SMIM20: variants seen among roughly 807,000 people sequenced by gnomAD.
The protein encoded by SMIM20 is small integral membrane protein 20.
In SMIM20, 3 loss-of-function variants were observed where a neutral mutation model predicts 8.7. That is an observed-to-expected ratio of 0.34 (90% CI 0.16 to 0.89). The LOEUF is 0.89. Among genes scored for constraint, SMIM20 ranks in the 40% least tolerant of loss-of-function variants. The pLI is 0.49. For missense variants in SMIM20, 85 were observed against 84.8 expected (o/e 1.00, Z -0.01); for synonymous variants, 44 against 33.6 (o/e 1.31, Z -1.07).
intron 1 of SMIM20, among the ~76,000 whole-genome samples, chr4:25,927,505 G>T (rs1474937368): frequency 1.3e-5 from 2 of 152,196 alleles, no homozygotes; most frequent in Non-Finnish European, 2.9e-5. Context: ...ACAAAGGTCC[G>T]ATTATGACAT....
At chr4:25,915,399 T>G (rs116060397) in intron 1 of SMIM20, among the ~76,000 whole-genome samples, 1,658 of 152,322 alleles carry the variant, frequency 0.011, 27 homozygotes, top group African/African-American at 0.035. Context: ...GGGCCAACCC[T>G]GTCCCTTGGG....
chr4:25,925,282 G>A (rs1475589363), intron 1 of SMIM20, among the ~76,000 whole-genome samples: 4 of 151,938 alleles, frequency 2.6e-5, no homozygotes, highest in Middle Eastern at 3.2e-3. Context: ...TTGCGCCCAG[G>A]CTCGAGTGCA....
At chr4:25,918,569 G>A (rs898385793) in intron 1 of SMIM20, among the ~76,000 whole-genome samples, 1 of 151,852 alleles carries the variant, frequency 6.6e-6, no homozygotes, top group African/African-American at 2.4e-5. Context: ...GGAGTGCAAT[G>A]GTGTGATCTT....
intron 1 of SMIM20, among the ~76,000 whole-genome samples, chr4:25,917,290 C>T (rs1719106679): frequency 6.6e-6 from 1 of 151,894 alleles, no homozygotes; most frequent in South Asian, 2.1e-4. Flanking sequence ...CCTGTTTCCT[C>T]ATCTGTAGCA....
chr4:25,929,101 G>T, intron 2 of SMIM20, 53 bp from the exon 3 acceptor site: 2 of 1,545,600 alleles, frequency 1.3e-6, no homozygotes, highest in Non-Finnish European at 1.8e-6. Flanking sequence ...GTGGAGGAAA[G>T]TGGAAGGACA....
rs748353732 is a variant in SMIM20 at position 25,928,334 on chromosome 4, G to C, written c.131G>C (p.Arg44Pro). Residue 44 changes from arginine (R) to proline (P), a missense_variant, in exon 2 of 3, where the codon CGG becomes CCG. Transcript: ENST00000506197. ...EEYKKEQAIN[R>P]AGIVQEDVQP... is the part of the protein sequence containing the mutation. The stretch of plus-strand genomic sequence containing the variant: ...TCAGAGAAGGAACAAGCTATAAATC[G>C]GGCTGGAATTGTTCAAGAGGATGTG... 4.5e-6 allele frequency: 7 copies of C among 1,548,952 alleles called. No individual in the cohort carries two copies. The Admixed American group carries it at 1.4e-4, about 31-fold the overall frequency.
intron 1 of SMIM20, among the ~76,000 whole-genome samples, chr4:25,914,700 C>A (rs903990798): frequency 3.3e-5 from 5 of 152,220 alleles, no homozygotes; most frequent in Non-Finnish European, 5.9e-5. Flanking sequence ...GCAGTCCTCA[C>A]ATAAGTCGAC....
intron 1 of SMIM20, among the ~76,000 whole-genome samples, chr4:25,927,371 C>G (rs895719132): frequency 6.6e-6 from 1 of 152,198 alleles, no homozygotes; most frequent in African/African-American, 2.4e-5. Flanking sequence ...TGGCCAAACC[C>G]TGTTTCTTGT....
rs1719030636 is a variant in SMIM20 at position 25,914,235 on chromosome 4, T to TC, written c.-78dup. 6.6e-7 allele frequency: 1 copy of TC among 1,505,966 alleles called. No individual in the cohort carries two copies. Among genetic ancestry groups the TC allele is most frequent in the African/African-American group, 1.4e-5 (1 of 71,478 alleles). 93.3% of individuals were successfully genotyped at this position (1,505,966 alleles called of 1,614,324 possible). A position where few individuals can be genotyped will look rare whatever the true frequency, so the allele number is the denominator to read the frequency against. ...GCCTCTCCACCTCTTCCGAGCGGGG[T>TC]CACGGCCCGGCCGTCGGTAACCTGG... On this transcript the variant is annotated 5_prime_UTR_variant, in exon 1 of 3. Coordinates refer to ENST00000506197, the MANE Select transcript of SMIM20 (RefSeq NM_001145432.3).
intron 1 of SMIM20, 96 bp downstream of exon 1, chr4:25,914,518 C>G (rs981460989): frequency 1.1e-5 from 14 of 1,255,784 alleles, no homozygotes; most frequent in Middle Eastern, 2.1e-4. Context: ...GAACTTGGCT[C>G]GAGGGTTAGG....
chr4:25,919,448 C>T (rs938798139), intron 1 of SMIM20, among the ~76,000 whole-genome samples: 1 of 151,930 alleles, frequency 6.6e-6, no homozygotes, highest in Non-Finnish European at 1.5e-5. Flanking sequence ...AAGCAGTTCT[C>T]CTGCCTCAGC....
rs1402719142 is a variant in SMIM20, at chr4:25,925,293, G to A, written c.110-3020G>A. On this transcript the variant is annotated intron_variant, in intron 1 of 2. Coordinates refer to ENST00000506197, the MANE Select transcript of SMIM20 (RefSeq NM_001145432.3). ...GCTCTTGCGCCCAGGCTCGAGTGCA[G>A]TGGCATGATCTTGGCTGACTACAAC... Among the ~76,000 whole-genome samples the A allele has an allele frequency of 2.0e-5, 3 of 152,258 alleles. No homozygotes were observed. The East Asian group carries it at 5.8e-4, about 29-fold the overall frequency.
chr4:25,920,283 T>C (rs1417905791), intron 1 of SMIM20, among the ~76,000 whole-genome samples: 9 of 152,362 alleles, frequency 5.9e-5, no homozygotes, highest in Middle Eastern at 3.4e-3. Flanking sequence ...AAGATTATCA[T>C]GGTGCTGAAA....
intron 1 of SMIM20, among the ~76,000 whole-genome samples, chr4:25,918,937 G>A (rs1312510439): frequency 5.2e-5 from 6 of 115,510 alleles, no homozygotes; most frequent in East Asian, 2.8e-4. Flanking sequence ...TCGCTCTGTC[G>A]CCCAGGCCGG....
At chr4:25,920,672 A>G (rs1719180401) in intron 1 of SMIM20, among the ~76,000 whole-genome samples, 1 of 152,218 alleles carries the variant, frequency 6.6e-6, no homozygotes, top group African/African-American at 2.4e-5. Context: ...AGGCCTTCAC[A>G]TTCACTCACC....
intron 2 of SMIM20, 36 bp downstream of exon 2, chr4:25,928,405 T>C (rs1560389070): frequency 3.2e-6 from 5 of 1,544,728 alleles, no homozygotes; most frequent in Non-Finnish European, 3.5e-6. Flanking sequence ...CCAAATCTTA[T>C]TTGTACTACT....
intron 1 of SMIM20, among the ~76,000 whole-genome samples, chr4:25,916,863 G>T (rs1034167412): frequency 2.0e-5 from 3 of 152,232 alleles, no homozygotes; most frequent in Admixed American, 6.5e-5. Flanking sequence ...GTAATGGGCA[G>T]AGCGTTTACA....
At chr4:25,917,856 T>C (rs6828696) in intron 1 of SMIM20, among the ~76,000 whole-genome samples, 31,078 of 152,020 alleles carry the variant, frequency 0.2, 3,522 homozygotes, top group East Asian at 0.34. Flanking sequence ...TTTGCATTTA[T>C]GGTCAGAGAA....
chr4:25,927,037 A>T (rs1393711176), intron 1 of SMIM20, among the ~76,000 whole-genome samples: 4 of 151,910 alleles, frequency 2.6e-5, no homozygotes, highest in Non-Finnish European at 5.9e-5. Flanking sequence ...AGAAAGTCTA[A>T]CACTTTAGAG....
Sources: gnomAD v4.1 joint callset for allele counts (sites outside exome capture counted in the v4.1 genomes callset) on GRCh38, gnomAD v4.1.1 for gene constraint, MANE v1.5 for transcripts, NCBI Gene and HGNC (gene_info 2026-07-23, HGNC 2026-07-21) for gene names.